Variants in SCFD2 observed in about 807,000 individuals in gnomAD.
SCFD2 encodes the protein sec1 family domain containing 2.
SCFD2 carries 54 observed loss-of-function variants against 58.9 expected under a neutral mutation model. The observed-to-expected ratio is 0.92, with a 90% CI of 0.74 to 1.15. The LOEUF is 1.15. Among genes scored for constraint, SCFD2 ranks in the 50% most tolerant of loss-of-function variants. The pLI, the probability that SCFD2 is intolerant of heterozygous loss-of-function variation, is 0.00. For missense variants in SCFD2, 805 were observed against 836.6 expected (o/e 0.96, Z 0.47); for synonymous variants, 321 against 335.9 (o/e 0.96, Z 0.49).
intron 5 of SCFD2, among the ~76,000 whole-genome samples, chr4:52,922,173 T>C (rs1160799361): frequency 6.6e-6 from 1 of 152,194 alleles, no homozygotes; most frequent in Non-Finnish European, 1.5e-5. Flanking sequence ...TGGCTTTATG[T>C]TTTTAGTAAC....
chr4:53,110,172 G>A (rs986841485), intron 5 of SCFD2, among the ~76,000 whole-genome samples: 2 of 152,162 alleles, frequency 1.3e-5, no homozygotes, highest in African/African-American at 4.8e-5. Context: ...ACAGTGTTGG[G>A]AAAACTGGCT....
At chr4:52,915,181 T>A (rs868825869) in intron 6 of SCFD2, among the ~76,000 whole-genome samples, 7 of 152,210 alleles carry the variant, frequency 4.6e-5, no homozygotes, top group South Asian at 2.1e-4. Flanking sequence ...TTGAATTTGG[T>A]GCACCTTAAA....
chr4:53,302,316 C>T (rs374981316), intron 3 of SCFD2, among the ~76,000 whole-genome samples: 1 of 152,166 alleles, frequency 6.6e-6, no homozygotes, highest in South Asian at 2.1e-4. Context: ...AACAGACAAA[C>T]AGATAGCCAA....
chr4:53,337,437 A>G (rs1198147596), intron 2 of SCFD2, among the ~76,000 whole-genome samples: 1 of 152,208 alleles, frequency 6.6e-6, no homozygotes, highest in Non-Finnish European at 1.5e-5. Flanking sequence ...ACTTGGGAGG[A>G]GGATATTCAG....
intron 3 of SCFD2, among the ~76,000 whole-genome samples, chr4:53,313,170 T>C (rs917209917): frequency 4.6e-5 from 7 of 152,160 alleles, no homozygotes; most frequent in African/African-American, 1.7e-4. Flanking sequence ...ACTTGACAAT[T>C]AGGACTCTAA....
intron 8 of SCFD2, among the ~76,000 whole-genome samples, chr4:52,882,417 G>A (rs376948758): frequency 2.6e-5 from 4 of 152,288 alleles, no homozygotes; most frequent in African/African-American, 4.8e-5. Flanking sequence ...CCTCCATGAC[G>A]GTTAATTGAG....
chr4:53,216,412 A>G (rs1435132238), intron 4 of SCFD2, among the ~76,000 whole-genome samples: 3 of 152,290 alleles, frequency 2.0e-5, no homozygotes, highest in East Asian at 3.9e-4. Context: ...CATTTCTTCT[A>G]GATTTTCTAG....
At chr4:53,077,951 C>T (rs1299787769) in intron 5 of SCFD2, among the ~76,000 whole-genome samples, 2 of 152,076 alleles carry the variant, frequency 1.3e-5, no homozygotes, top group Admixed American at 6.5e-5. Flanking sequence ...CAAAATTCTA[C>T]GTGAGAGCTT....
chr4:53,249,660 TAAAG>T (rs1450929355), intron 4 of SCFD2, among the ~76,000 whole-genome samples: 2 of 152,136 alleles, frequency 1.3e-5, no homozygotes, highest in Non-Finnish European at 2.9e-5. Flanking sequence ...TCAACATTCT[TAAAG>T]AAAAGAATTT....
chr4:53,221,093 A>C (rs1221968584), intron 4 of SCFD2, among the ~76,000 whole-genome samples: 1 of 152,236 alleles, frequency 6.6e-6, no homozygotes, highest in Non-Finnish European at 1.5e-5. Context: ...TTAAGTACCC[A>C]CAATTGGCCA....
At chr4:52,954,081 T>G (rs1720658565) in intron 5 of SCFD2, among the ~76,000 whole-genome samples, 1 of 152,166 alleles carries the variant, frequency 6.6e-6, no homozygotes, top group African/African-American at 2.4e-5. Context: ...TGCTGTGACA[T>G]TCACAGGCAG....
chr4:52,928,202 G>A (rs1719906141), intron 5 of SCFD2, among the ~76,000 whole-genome samples: 1 of 152,066 alleles, frequency 6.6e-6, no homozygotes, highest in Admixed American at 6.6e-5. Flanking sequence ...CCAGTGTGGT[G>A]GTGCATACCT....
At chr4:53,246,209 TA>T (rs904722214) in intron 4 of SCFD2, among the ~76,000 whole-genome samples, 1 of 151,880 alleles carries the variant, frequency 6.6e-6, no homozygotes, top group Admixed American at 6.6e-5. Context: ...CACTACAAAA[TA>T]AAAAAAATTT....
intron 2 of SCFD2, among the ~76,000 whole-genome samples, chr4:53,343,362 A>T (rs1733946633): frequency 6.6e-6 from 1 of 152,232 alleles, no homozygotes; most frequent in Admixed American, 6.5e-5. Flanking sequence ...GAAGAAATGG[A>T]TAAATTCCTA....
chr4:53,238,072 C>T (rs1206060672), intron 4 of SCFD2, among the ~76,000 whole-genome samples: 67 of 134,726 alleles, frequency 5.0e-4, no homozygotes, highest in African/African-American at 1.8e-3. Flanking sequence ...CCACCTCCCT[C>T]CCGGATGGGG....
intron 5 of SCFD2, among the ~76,000 whole-genome samples, chr4:52,976,289 A>C (rs1007755441): frequency 2.6e-5 from 4 of 152,204 alleles, no homozygotes; most frequent in Non-Finnish European, 5.9e-5. Flanking sequence ...TATTGTATTC[A>C]AATGAAGTAA....
chr4:52,899,095 C>G (rs537188203), intron 7 of SCFD2, among the ~76,000 whole-genome samples: 209 of 152,278 alleles, frequency 1.4e-3, no homozygotes, highest in African/African-American at 4.8e-3. Flanking sequence ...GGTCTTGACT[C>G]TTTATCCGAT....
At chr4:53,029,225 T>C (rs1722555510) in intron 5 of SCFD2, among the ~76,000 whole-genome samples, 1 of 149,650 alleles carries the variant, frequency 6.7e-6, no homozygotes, top group Non-Finnish European at 1.5e-5. Context: ...ATCTTCATCT[T>C]TGGAAAAATC....
At chr4:53,328,920 T>C (rs1399821489) in intron 2 of SCFD2, among the ~76,000 whole-genome samples, 2 of 152,208 alleles carry the variant, frequency 1.3e-5, no homozygotes, top group Non-Finnish European at 1.5e-5. Context: ...GGGCGAGGCA[T>C]TGCCTCACTT....
Sources: allele counts gnomAD v4.1 joint callset (sites outside exome capture counted in the v4.1 genomes callset), GRCh38; gene constraint gnomAD v4.1.1; transcripts MANE v1.5; gene names NCBI Gene and HGNC (gene_info 2026-07-23, HGNC 2026-07-21).